The following CLEC6A variants were observed in gnomAD, a reference collection of about 807,000 sequenced individuals.
CLEC6A encodes C-type lectin domain family 6 member A.
A neutral mutation model predicts 25.7 loss-of-function variants in CLEC6A; 22 were observed. The observed-to-expected ratio is 0.85, with a 90% CI of 0.61 to 1.22. The LOEUF is 1.22. CLEC6A is among the 50% of genes most tolerant of loss of function. The pLI is 0.00. For missense variants in CLEC6A, 240 were observed against 236.8 expected (o/e 1.01, Z -0.09); for synonymous variants, 92 against 76.7 (o/e 1.20, Z -1.04).
At chr12:8,472,811 T>C (rs956983494) in intron 4 of CLEC6A, among the ~76,000 whole-genome samples, 1 of 152,132 alleles carries the variant, frequency 6.6e-6, no homozygotes, top group African/African-American at 2.4e-5. Context: ...TATGGGTATA[T>C]TGCACAATGC....
chr12:8,466,145 T>G (rs924534920), intron 4 of CLEC6A, among the ~76,000 whole-genome samples: 2 of 152,264 alleles, frequency 1.3e-5, no homozygotes, highest in East Asian at 3.8e-4. Flanking sequence ...TACACTGTGA[T>G]GATTTGATAT....
chr12:8,476,356 T>C (rs1451698451), intron 5 of CLEC6A, 116 bp downstream of exon 5: 1 of 683,824 alleles, frequency 1.5e-6, no homozygotes, highest in Non-Finnish European at 2.6e-6. Flanking sequence ...TTATTAAGCA[T>C]TACTAAGGAT....
At chr12:8,475,977 T>C in intron 4 of CLEC6A, 148 bp from the exon 5 acceptor site, 2 of 515,408 alleles carry the variant, frequency 3.9e-6, no homozygotes, top group South Asian at 6.8e-5. Context: ...ACTTTTGGCC[T>C]GTACTCCTGG....
At chr12:8,460,818 C>A in intron 3 of CLEC6A, 1 of 1,124,038 alleles carries the variant, frequency 8.9e-7, no homozygotes, top group Middle Eastern at 2.7e-4. Context: ...TTCGTGTTAG[C>A]CCTGGTGGCC....
chr12:8,477,570 C>T lies in CLEC6A; in HGVS notation c.*106C>T. 4.7e-6 allele frequency: 4 copies of T among 843,774 alleles called. No homozygotes were observed. Among genetic ancestry groups the T allele is most frequent in the Non-Finnish European group, 7.2e-6 (4 of 559,256 alleles). The allele number at this position is 843,774 out of a possible 1,614,324, so 52.3% of individuals were successfully genotyped here. ...AAATGATAATTTCTTCCTGAATTTA[C>T]ACATAATCCTTATGTTATAGAGGTT... On this transcript the variant is annotated 3_prime_UTR_variant, in exon 6 of 6. Transcript: ENST00000382073.
chr12:8,476,327 T>C lies in CLEC6A; in HGVS notation c.485+87T>C, dbSNP rs1406958870. On this transcript the variant is annotated intron_variant, in intron 5 of 5. Transcript: ENST00000382073. ...CTAATAATGTTAATATTGGTAATTA[T>C]GATAACAGGATCTAACAATTATTAA... 10 of 767,090 alleles carry C rather than the reference T, an allele frequency of 1.3e-5. No individual in the cohort carries two copies. The South Asian group carries it at 1.4e-4, about 11-fold the overall frequency. 47.5% of individuals were successfully genotyped at this position (767,090 alleles called of 1,614,324 possible).
chr12:8,474,784 G>GAA (rs1939948988), intron 4 of CLEC6A, among the ~76,000 whole-genome samples: 1 of 152,158 alleles, frequency 6.6e-6, no homozygotes, highest in African/African-American at 2.4e-5. Flanking sequence ...TTGGAAAGAT[G>GAA]AGAAGAATTA....
Position 8,465,599 on chromosome 12 carries a change from TTTGG to T in CLEC6A, c.343_346del (p.Val115CysfsTer15). 1 of 1,613,946 alleles carries T rather than the reference TTTGG, an allele frequency of 6.2e-7. No individual in the cohort carries two copies. The highest frequency in any genetic ancestry group is 8.5e-7 in the Non-Finnish European group (1 of 1,179,926). On this transcript the variant is annotated frameshift_variant, in exon 4 of 6. Transcript: ENST00000382073. LOFTEE classifies it high-confidence loss of function. ...AGAACTGTGTTGAGATGGGAGCACA[TTTGG>T]TTGTGTTCAACACAGAAGCAGAGCA...
At chr12:8,462,197 T>C (rs1227178290) in intron 3 of CLEC6A, among the ~76,000 whole-genome samples, 11 of 147,804 alleles carry the variant, frequency 7.4e-5, no homozygotes, top group South Asian at 4.5e-4. Context: ...CACTCCCTAA[T>C]CTCAAGTACC....
chr12:8,465,135 CT>C (rs1158232500), intron 3 of CLEC6A, among the ~76,000 whole-genome samples: 1 of 152,086 alleles, frequency 6.6e-6, no homozygotes, highest in African/African-American at 2.4e-5. Flanking sequence ...CCCAAGATTA[CT>C]GAGCAGAACT....
chr12:8,460,764 C>A (rs770362898), intron 3 of CLEC6A: 11 of 1,421,418 alleles, frequency 7.7e-6, no homozygotes, highest in Non-Finnish European at 1.1e-5. Flanking sequence ...ATAAAGCGGG[C>A]CGACTGGGCT....
At chr12:8,459,822 A>G (rs1939729821) in intron 3 of CLEC6A, 124 bp downstream of exon 3, 1 of 664,762 alleles carries the variant, frequency 1.5e-6, no homozygotes, top group African/African-American at 1.8e-5. Context: ...CTCTGCTTGG[A>G]TATTTTCATA....
intron 4 of CLEC6A, among the ~76,000 whole-genome samples, chr12:8,467,280 G>A (rs954914537): frequency 6.6e-6 from 1 of 152,120 alleles, no homozygotes; most frequent in Non-Finnish European, 1.5e-5. Flanking sequence ...TCAATGTCAT[G>A]AATCTTTTTG....
At chr12:8,472,994 C>CTTTTTTGTTTTTTT (rs1939925931) in intron 4 of CLEC6A, among the ~76,000 whole-genome samples, 1 of 3,574 alleles carries the variant, frequency 2.8e-4, no homozygotes, top group African/African-American at 4.6e-4. Context: ...GCTCCTACTT[C>CTTTTTTGTTTTTTT]TTTTTTTTTT....
intron 4 of CLEC6A, among the ~76,000 whole-genome samples, chr12:8,473,766 C>T (rs4334073): frequency 0.77 from 116,372 of 152,086 alleles, 45,157 homozygotes; most frequent in East Asian, 0.99. Context: ...AAGTAATAGC[C>T]ATACTGACTG....
At position 8,477,375 on chromosome 12, in the gene CLEC6A, T is replaced by G; in HGVS notation, c.541T>G (p.Phe181Val). ...HSAEQCASIV[F>V]WKPTGWGWND... ...TGCAGAGCAATGTGCTTCAATAGTC[T>G]TCTGGAAACCTACAGGATGGGGCTG... is the stretch of plus-strand genomic sequence containing the variant. The change falls in exon 6 of 6, where the codon TTC (phenylalanine) becomes GTC (valine). Residue 181 changes from phenylalanine (F) to valine (V), a missense_variant. Phe to Val is a conservative substitution (Grantham distance 50). Transcript: ENST00000382073. The G allele has an allele frequency of 6.2e-7, 1 of 1,612,678 alleles. No homozygotes were observed. The highest frequency in any genetic ancestry group is 1.1e-5 in the South Asian group (1 of 90,988).
intron 3 of CLEC6A, among the ~76,000 whole-genome samples, chr12:8,463,146 T>C (rs952029291): frequency 2.6e-5 from 4 of 152,182 alleles, no homozygotes; most frequent in African/African-American, 9.7e-5. Flanking sequence ...CATGATACTT[T>C]TCTCATCTGT....
chr12:8,477,207 T>C (rs978446947), intron 5 of CLEC6A, 113 bp from the exon 6 acceptor site: 3 of 760,966 alleles, frequency 3.9e-6, no homozygotes, highest in East Asian at 2.7e-5. Context: ...GGAACAATCA[T>C]TGGAATGTTC....
intron 4 of CLEC6A, among the ~76,000 whole-genome samples, chr12:8,467,954 T>C (rs79851521): frequency 0.77 from 116,481 of 151,176 alleles, 45,301 homozygotes; most frequent in East Asian, 0.99. Context: ...GCTTTTTTTT[T>C]TTCCCCAAGA....
Sources: allele counts gnomAD v4.1 joint callset (sites outside exome capture counted in the v4.1 genomes callset), GRCh38; gene constraint gnomAD v4.1.1; transcripts MANE v1.5; gene names NCBI Gene and HGNC (gene_info 2026-07-23, HGNC 2026-07-21).